XKR4: variants seen among roughly 807,000 people sequenced by gnomAD.
XKR4 encodes the protein XK related 4.
A neutral mutation model predicts 53.9 loss-of-function variants in XKR4; 12 were observed. The ratio of observed to expected loss-of-function variants is 0.22; its 90% CI spans 0.14 to 0.36. The LOEUF (loss-of-function observed/expected upper bound fraction) is 0.36, where lower values mean the gene tolerates loss of function less well. Among genes scored for constraint, XKR4 ranks in the 10% least tolerant of loss-of-function variants. XKR4 has a pLI of 1.00. For synonymous variants in XKR4, 354 were observed against 362.4 expected (o/e 0.98, Z 0.26); for missense variants, 799 against 859.5 (o/e 0.93, Z 0.88).
At chr8:55,274,832 C>G (rs1225153512) in intron 1 of XKR4, among the ~76,000 whole-genome samples, 1 of 152,174 alleles carries the variant, frequency 6.6e-6, no homozygotes, top group Non-Finnish European at 1.5e-5. Context: ...CAGTGACATT[C>G]TCAGGTACTG....
chr8:55,465,787 C>T (rs1476984793), intron 2 of XKR4, among the ~76,000 whole-genome samples: 1 of 151,806 alleles, frequency 6.6e-6, no homozygotes, highest in Non-Finnish European at 1.5e-5. Flanking sequence ...AACAAATTTA[C>T]AAGAAAAAAA....
At chr8:55,482,944 ATCT>A (rs1640932869) in intron 2 of XKR4, among the ~76,000 whole-genome samples, 1 of 152,170 alleles carries the variant, frequency 6.6e-6, no homozygotes, top group African/African-American at 2.4e-5. Flanking sequence ...CAAATTTGAG[ATCT>A]TCTTACCCTA....
At chr8:55,464,570 T>C (rs1554528304) in intron 2 of XKR4, among the ~76,000 whole-genome samples, 1 of 152,102 alleles carries the variant, frequency 6.6e-6, no homozygotes, top group Non-Finnish European at 1.5e-5. Flanking sequence ...CTTTGAAAAC[T>C]GGCACAAGAC....
intron 2 of XKR4, among the ~76,000 whole-genome samples, chr8:55,410,749 G>A (rs534853153): frequency 6.6e-6 from 1 of 152,182 alleles, no homozygotes; most frequent in South Asian, 2.1e-4. Context: ...CTGTAACACA[G>A]GTGTCTCATG....
intron 2 of XKR4, among the ~76,000 whole-genome samples, chr8:55,378,300 C>A (rs551486237): frequency 7.6e-4 from 116 of 152,324 alleles, no homozygotes; most frequent in Non-Finnish European, 1.6e-3. Context: ...GCAGTGTCAT[C>A]TCAGAGCCAA....
chr8:55,472,252 C>T lies in XKR4; in HGVS notation c.1007-51029C>T, dbSNP rs144546332. 3.2e-3 allele frequency among the ~76,000 whole-genome samples: 484 copies of T among 152,092 alleles called. 2 individuals carry two copies. The highest frequency in any genetic ancestry group is 0.011 in the African/African-American group (452 of 41,440). ...GGATAGGTAGCTCTCAATTTTTTTC[C>T]TGCATAAATGATAATCATCTGTGTG... On this transcript the variant is annotated intron_variant, in intron 2 of 2. Coordinates refer to ENST00000327381, the MANE Select transcript of XKR4 (RefSeq NM_052898.2).
At chr8:55,142,727 A>G (rs1816722299) in intron 1 of XKR4, among the ~76,000 whole-genome samples, 1 of 152,228 alleles carries the variant, frequency 6.6e-6, no homozygotes, top group African/African-American at 2.4e-5. Flanking sequence ...GAAGCTAAAC[A>G]ATTGGGACTG....
chr8:55,430,034 A>C (rs1176570559), intron 2 of XKR4, among the ~76,000 whole-genome samples: 2 of 152,244 alleles, frequency 1.3e-5, no homozygotes, highest in Non-Finnish European at 2.9e-5. Flanking sequence ...AGCATATGAA[A>C]AGATGCTCCA....
At chr8:55,457,422 G>A (rs112595163) in intron 2 of XKR4, among the ~76,000 whole-genome samples, 20 of 152,282 alleles carry the variant, frequency 1.3e-4, no homozygotes, top group South Asian at 6.2e-4. Flanking sequence ...GATTATAGGC[G>A]TGAGCCACCG....
chr8:55,194,005 G>A (rs1412757289), intron 1 of XKR4, among the ~76,000 whole-genome samples: 1 of 152,120 alleles, frequency 6.6e-6, no homozygotes, highest in African/African-American at 2.4e-5. Flanking sequence ...CTAGCACTTA[G>A]CCTGAAACCA....
chr8:55,417,307 GT>G (rs371474568), intron 2 of XKR4, among the ~76,000 whole-genome samples: 1 of 152,318 alleles, frequency 6.6e-6, no homozygotes, highest in East Asian at 1.9e-4. Flanking sequence ...TAGGAGAGAA[GT>G]TTTTCTTTTC....
At chr8:55,404,616 T>G (rs575967736) in intron 2 of XKR4, among the ~76,000 whole-genome samples, 7 of 152,366 alleles carry the variant, frequency 4.6e-5, no homozygotes, top group Admixed American at 2.6e-4. Flanking sequence ...TTTTAATTTC[T>G]GTGATCTATA....
intron 1 of XKR4, among the ~76,000 whole-genome samples, chr8:55,176,733 T>G (rs539913704): frequency 6.6e-6 from 1 of 152,262 alleles, no homozygotes; most frequent in South Asian, 2.1e-4. Context: ...TTTACATCTA[T>G]TAAAATTTCT....
At chr8:55,383,614 T>C (rs1804265988) in intron 2 of XKR4, among the ~76,000 whole-genome samples, 1 of 152,260 alleles carries the variant, frequency 6.6e-6, no homozygotes, top group Non-Finnish European at 1.5e-5. Flanking sequence ...ATTAAATGGT[T>C]AACATTTCTG....
chr8:55,133,757 C>T (rs148317962), intron 1 of XKR4, among the ~76,000 whole-genome samples: 6 of 152,290 alleles, frequency 3.9e-5, no homozygotes, highest in African/African-American at 1.2e-4. Context: ...TATTTGCTCA[C>T]CTCAGTAACT....
chr8:55,396,133 A>G (rs921488057), intron 2 of XKR4, among the ~76,000 whole-genome samples: 1 of 152,180 alleles, frequency 6.6e-6, no homozygotes, highest in African/African-American at 2.4e-5. Context: ...TTTCAAAAGG[A>G]CACATTCAGT....
At chr8:55,301,250 G>T (rs1014869094) in intron 1 of XKR4, among the ~76,000 whole-genome samples, 1 of 149,864 alleles carries the variant, frequency 6.7e-6, no homozygotes, top group Non-Finnish European at 1.5e-5. Flanking sequence ...GCGGTGTTTG[G>T]TTTTTTGTCC....
chr8:55,231,481 G>A (rs1486887081), intron 1 of XKR4, among the ~76,000 whole-genome samples: 1 of 152,070 alleles, frequency 6.6e-6, no homozygotes, highest in Non-Finnish European at 1.5e-5. Flanking sequence ...TTGATACAGG[G>A]TCTCACTCAA....
At chr8:55,355,299 A>G (rs1251424595) in intron 1 of XKR4, among the ~76,000 whole-genome samples, 1 of 152,204 alleles carries the variant, frequency 6.6e-6, no homozygotes, top group Non-Finnish European at 1.5e-5. Flanking sequence ...GAAGATGAAT[A>G]GAAGACGGAG....
Sources: gnomAD v4.1 joint callset for allele counts (sites outside exome capture counted in the v4.1 genomes callset) on GRCh38, gnomAD v4.1.1 for gene constraint, MANE v1.5 for transcripts, NCBI Gene and HGNC (gene_info 2026-07-23, HGNC 2026-07-21) for gene names.